Variants in LY86 observed in about 807,000 individuals in gnomAD.
LY86 encodes the protein lymphocyte antigen 86, also known as MD-1, RP105-associated.
Under a neutral mutation model 17.3 loss-of-function variants are expected in LY86, and 20 were observed. That is an observed-to-expected ratio of 1.15 (90% CI 0.81 to 1.68). LY86 has a LOEUF of 1.68. Ranked by LOEUF, LY86 falls within the 40% of genes most tolerant of loss-of-function variation. The pLI is 0.00. For synonymous variants in LY86, 74 were observed against 70.6 expected (o/e 1.05, Z -0.24); for missense variants, 200 against 191.9 (o/e 1.04, Z -0.25).
chr6:6,641,680 G>A (rs1762042210), intron 3 of LY86, among the ~76,000 whole-genome samples: 1 of 152,174 alleles, frequency 6.6e-6, no homozygotes, highest in Admixed American at 6.5e-5. Flanking sequence ...AAACGTACCA[G>A]CAGCCAGGTG....
intron 4 of LY86, among the ~76,000 whole-genome samples, chr6:6,653,163 C>T (rs1762212709): frequency 6.6e-6 from 1 of 152,172 alleles, no homozygotes. Context: ...CAGAGCACAG[C>T]CTGGTTCTCT....
At chr6:6,612,243 G>A (rs1164852663) in intron 1 of LY86, among the ~76,000 whole-genome samples, 1 of 152,136 alleles carries the variant, frequency 6.6e-6, no homozygotes. Context: ...CGTGTCCAGA[G>A]TTTATTCCTT....
At chr6:6,619,052 A>G (rs1480300234) in intron 1 of LY86, among the ~76,000 whole-genome samples, 1 of 152,240 alleles carries the variant, frequency 6.6e-6, no homozygotes, top group Non-Finnish European at 1.5e-5. Flanking sequence ...CTGAAGCCTT[A>G]TGCATCATCC....
chr6:6,634,842 G>C (rs767197150), intron 3 of LY86, among the ~76,000 whole-genome samples: 5 of 152,208 alleles, frequency 3.3e-5, no homozygotes, highest in African/African-American at 7.2e-5. Context: ...AGGGAATTTG[G>C]GGGGAGTGCT....
chr6:6,612,444 T>C lies in LY86; in HGVS notation c.137-12482T>C, dbSNP rs182878546. Among the ~76,000 whole-genome samples, 11 of 152,306 alleles carry C rather than the reference T, an allele frequency of 7.2e-5. No homozygotes were observed. The East Asian group carries it at 1.2e-3, about 16-fold the overall frequency. On this transcript the variant is annotated intron_variant, in intron 1 of 4. Coordinates refer to ENST00000230568, the MANE Select transcript of LY86 (RefSeq NM_004271.4). ...TCATAAAAGAAACCGCAAACCTTCATGGGGAGTGTTACACTTCATAAAAGC... is the reference window on the plus strand; with the variant it reads ...TCATAAAAGAAACCGCAAACCTTCACGGGGAGTGTTACACTTCATAAAAGC...
rs796324066 is a variant in LY86, at chr6:6,639,226, C to T, written c.353-10399C>T. ...GAGTTTATGTTAGAAATTCTACTCT[C>T]TGGCCCAGCCCTAAACCCAAGCACT... On this transcript the variant is annotated intron_variant, in intron 3 of 4. Coordinates refer to ENST00000230568, the MANE Select transcript of LY86 (RefSeq NM_004271.4). 6.6e-5 allele frequency among the ~76,000 whole-genome samples: 10 copies of T among 152,196 alleles called. No homozygotes were observed. In the East Asian group the frequency reaches 1.9e-3, roughly 29 times the overall value.
At chr6:6,616,607 G>A (rs765043183) in intron 1 of LY86, among the ~76,000 whole-genome samples, 1 of 152,214 alleles carries the variant, frequency 6.6e-6, no homozygotes, top group Non-Finnish European at 1.5e-5. Context: ...AGCAGACCAG[G>A]CTGGCCTCAG....
intron 4 of LY86, among the ~76,000 whole-genome samples, chr6:6,651,072 T>G (rs1762179997): frequency 6.6e-6 from 1 of 151,798 alleles, no homozygotes; most frequent in African/African-American, 2.4e-5. Flanking sequence ...TATGGCCATA[T>G]AGTATTCCAT....
chr6:6,605,716 C>T (rs180798919), intron 1 of LY86, among the ~76,000 whole-genome samples: 5 of 151,954 alleles, frequency 3.3e-5, no homozygotes, highest in East Asian at 3.9e-4. Flanking sequence ...CGGAACCTCG[C>T]GGTGAGTGTT....
intron 4 of LY86, among the ~76,000 whole-genome samples, chr6:6,652,165 A>G (rs139785133): frequency 6.6e-6 from 1 of 152,076 alleles, no homozygotes; most frequent in East Asian, 1.9e-4. Flanking sequence ...AAGTTCTTCA[A>G]CCGCTGATGG....
intron 1 of LY86, among the ~76,000 whole-genome samples, chr6:6,605,073 A>G (rs1581235150): frequency 6.6e-6 from 1 of 151,960 alleles, no homozygotes; most frequent in Non-Finnish European, 1.5e-5. Context: ...ACTCTCACTA[A>G]AAGAACTTTA....
chr6:6,646,248 A>G (rs1346324303), intron 3 of LY86, among the ~76,000 whole-genome samples: 1 of 152,124 alleles, frequency 6.6e-6, no homozygotes, highest in Non-Finnish European at 1.5e-5. Context: ...AACTTGCCCA[A>G]TTAATAGAAA....
intron 1 of LY86, among the ~76,000 whole-genome samples, chr6:6,603,717 C>T (rs915860589): frequency 2.0e-5 from 3 of 151,528 alleles, no homozygotes; most frequent in African/African-American, 7.3e-5. Context: ...GTCCATTAAC[C>T]AGAACTTAGG....
At chr6:6,589,900 C>T (rs1444215735) in intron 1 of LY86, among the ~76,000 whole-genome samples, 2 of 151,888 alleles carry the variant, frequency 1.3e-5, no homozygotes, top group Non-Finnish European at 2.9e-5. Context: ...GGAGGGTGAA[C>T]CACTTGAGGT....
chr6:6,595,299 G>C (rs557081714), intron 1 of LY86, among the ~76,000 whole-genome samples: 1 of 150,098 alleles, frequency 6.7e-6, no homozygotes, highest in East Asian at 2.0e-4. Flanking sequence ...GGAAGAAGAG[G>C]AGAAGGAGGA....
At chr6:6,653,205 C>G (rs1762213369) in intron 4 of LY86, among the ~76,000 whole-genome samples, 1 of 152,210 alleles carries the variant, frequency 6.6e-6, no homozygotes, top group Non-Finnish European at 1.5e-5. Flanking sequence ...GGACTCCACT[C>G]TCTTTGGAAG....
At chr6:6,636,670 G>T (rs148044623) in intron 3 of LY86, among the ~76,000 whole-genome samples, 1 of 152,172 alleles carries the variant, frequency 6.6e-6, no homozygotes, top group African/African-American at 2.4e-5. Flanking sequence ...TCCCTGTGGG[G>T]AGAGAGTGTC....
chr6:6,614,975 C>T (rs1480453733), intron 1 of LY86, among the ~76,000 whole-genome samples: 1 of 152,170 alleles, frequency 6.6e-6, no homozygotes, highest in Non-Finnish European at 1.5e-5. Context: ...AGGCGGCTGC[C>T]TCTTAACGCT....
chr6:6,638,104 C>T (rs1357775426), intron 3 of LY86, among the ~76,000 whole-genome samples: 6 of 152,258 alleles, frequency 3.9e-5, no homozygotes, highest in African/African-American at 1.2e-4. Context: ...ACTAAATAGT[C>T]GGCACCATCC....
Sources: gnomAD v4.1 joint callset for allele counts (sites outside exome capture counted in the v4.1 genomes callset) on GRCh38, gnomAD v4.1.1 for gene constraint, MANE v1.5 for transcripts, NCBI Gene and HGNC (gene_info 2026-07-23, HGNC 2026-07-21) for gene names.